The following RBM47 variants were observed in gnomAD, a reference collection of about 807,000 sequenced individuals.
The protein encoded by RBM47 is RNA binding motif protein 47.
RBM47 carries 21 observed loss-of-function variants against 47.1 expected under a neutral mutation model. That is an observed-to-expected ratio of 0.45 (90% CI 0.32 to 0.64). The LOEUF is 0.64. Among genes scored for constraint, RBM47 ranks in the 30% least tolerant of loss-of-function variants. The pLI, the probability that RBM47 is intolerant of heterozygous loss-of-function variation, is 0.05. For missense variants in RBM47, 708 were observed against 870.9 expected (o/e 0.81, Z 2.35); for synonymous variants, 375 against 361.7 (o/e 1.04, Z -0.42).
At chr4:40,433,379 C>T (rs1431218502) in intron 5 of RBM47, among the ~76,000 whole-genome samples, 2 of 152,162 alleles carry the variant, frequency 1.3e-5, no homozygotes, top group African/African-American at 4.8e-5. Flanking sequence ...TGGGTGGTGG[C>T]AGGTAACTCC....
intron 1 of RBM47, among the ~76,000 whole-genome samples, chr4:40,565,254 TCA>T (rs1730988517): frequency 2.6e-5 from 4 of 152,234 alleles, no homozygotes; most frequent in Non-Finnish European, 5.9e-5. Context: ...TAAGCAGTAC[TCA>T]GCATGACACT....
chr4:40,624,451 G>A (rs1377212692), intron 1 of RBM47, among the ~76,000 whole-genome samples: 3 of 152,088 alleles, frequency 2.0e-5, no homozygotes, highest in Non-Finnish European at 4.4e-5. Context: ...CCACAGTGCT[G>A]AGCTCTCCTC....
In RBM47 at chr4:40,519,297, C is replaced by CTTT. The variant is rs374404085; in HGVS notation, c.-155+25122_-155+25124dup. On this transcript the variant is annotated intron_variant, in intron 2 of 6. Transcript: ENST00000295971. ...AGTTCAACTGTTTTTCTCCTTCAATCTTTTTTTTTTTTTTTTTGAGATGGA... is the reference window on the plus strand; with the variant it reads ...AGTTCAACTGTTTTTCTCCTTCAATCTTTTTTTTTTTTTTTTTTTTGAGATGGA... 6.2e-3 allele frequency among the ~76,000 whole-genome samples: 809 copies of CTTT among 130,082 alleles called. 12 individuals are homozygous for CTTT. The highest frequency in any genetic ancestry group is 9.3e-3 in the Non-Finnish European group (583 of 63,018). 85.3% of individuals were successfully genotyped at this position (130,082 alleles called of 152,430 possible). A position where few individuals can be genotyped will look rare whatever the true frequency, so the allele number is the denominator to read the frequency against.
chr4:40,454,009 C>T (rs1036225031), intron 3 of RBM47, among the ~76,000 whole-genome samples: 1 of 152,010 alleles, frequency 6.6e-6, no homozygotes, highest in African/African-American at 2.4e-5. Flanking sequence ...CTCTAGAGTA[C>T]GGGGTAGACG....
At chr4:40,598,530 A>T (rs533154674) in intron 1 of RBM47, among the ~76,000 whole-genome samples, 1 of 152,262 alleles carries the variant, frequency 6.6e-6, no homozygotes, top group Non-Finnish European at 1.5e-5. Flanking sequence ...GATTACAGGC[A>T]TGAGCCACTG....
intron 2 of RBM47, among the ~76,000 whole-genome samples, chr4:40,483,771 A>G (rs1720737110): frequency 1.3e-5 from 2 of 152,242 alleles, no homozygotes; most frequent in South Asian, 4.1e-4. Context: ...AAAATTAGCT[A>G]AAATACTTAA....
At chr4:40,622,732 A>G (rs1737378153) in intron 1 of RBM47, among the ~76,000 whole-genome samples, 1 of 152,148 alleles carries the variant, frequency 6.6e-6, no homozygotes, top group Admixed American at 6.5e-5. Flanking sequence ...AAACACAAAA[A>G]TTAGCCAGGC....
chr4:40,503,490 G>A (rs1367977977), intron 2 of RBM47, among the ~76,000 whole-genome samples: 1 of 152,094 alleles, frequency 6.6e-6, no homozygotes, highest in Non-Finnish European at 1.5e-5. Flanking sequence ...TGCTACTAGC[G>A]GTGTCCACTG....
intron 3 of RBM47, among the ~76,000 whole-genome samples, chr4:40,465,407 T>A (rs890804322): frequency 1.8e-4 from 27 of 152,090 alleles, no homozygotes; most frequent in African/African-American, 5.8e-4. Flanking sequence ...ATGCCTGTAA[T>A]CCTAGCACAT....
At chr4:40,496,147 T>C (rs4435776) in intron 2 of RBM47, among the ~76,000 whole-genome samples, 26,142 of 152,118 alleles carry the variant, frequency 0.17, 2,347 homozygotes, top group African/African-American at 0.23. Context: ...AGGAGGCAAC[T>C]TGCACAGGAA....
At chr4:40,583,151 G>C (rs1444483644) in intron 1 of RBM47, among the ~76,000 whole-genome samples, 1 of 152,144 alleles carries the variant, frequency 6.6e-6, no homozygotes, top group Admixed American at 6.6e-5. Flanking sequence ...GGCCGGCCAA[G>C]CACAGTGGCT....
At chr4:40,533,202 G>C (rs909465941) in intron 2 of RBM47, among the ~76,000 whole-genome samples, 2 of 152,296 alleles carry the variant, frequency 1.3e-5, no homozygotes, top group African/African-American at 4.8e-5. Flanking sequence ...GGGAGACCAA[G>C]GTAGGCGGTT....
At chr4:40,494,741 G>C (rs1336157181) in intron 2 of RBM47, among the ~76,000 whole-genome samples, 1 of 152,110 alleles carries the variant, frequency 6.6e-6, no homozygotes, top group Non-Finnish European at 1.5e-5. Context: ...GTACCATGAG[G>C]GTGAATCAGA....
chr4:40,601,748 T>C (rs1224200247), intron 1 of RBM47, among the ~76,000 whole-genome samples: 2 of 152,228 alleles, frequency 1.3e-5, no homozygotes, highest in Non-Finnish European at 2.9e-5. Context: ...CTCTGCTCTC[T>C]GTTCCTGGAA....
Position 40,602,028 on chromosome 4 carries a change from G to A in RBM47, c.-240+27368C>T, listed in dbSNP as rs1257993526. Among the ~76,000 whole-genome samples, 4 of 152,066 alleles carry A rather than the reference G, an allele frequency of 2.6e-5. No homozygotes were observed. In the South Asian group the frequency reaches 8.3e-4, roughly 32 times the overall value. Reference sequence around the variant, plus strand: ...TACTAAAAATAGAAAAATTAGCCAAGTGTGGTGGTCGGCACCTGTAATCCC... The same window carrying A: ...TACTAAAAATAGAAAAATTAGCCAAATGTGGTGGTCGGCACCTGTAATCCC... On this transcript the variant is annotated intron_variant, in intron 1 of 6. Coordinates refer to ENST00000295971, the MANE Select transcript of RBM47 (RefSeq NM_001098634.2).
At chr4:40,582,842 TG>T (rs1380148161) in intron 1 of RBM47, among the ~76,000 whole-genome samples, 2 of 152,224 alleles carry the variant, frequency 1.3e-5, no homozygotes, top group Non-Finnish European at 2.9e-5. Context: ...GTCACCACCC[TG>T]GTAGAATCCA....
chr4:40,438,393 G>A lies in RBM47; in HGVS notation c.501C>T (p.Ile167=). Residue 167 remains isoleucine (I), a synonymous_variant, in exon 4 of 7, where the codon ATC becomes ATT. Transcript: ENST00000295971. The part of the protein sequence containing the change: ...GIPKMKKREE[I]LEEIAKVTEG... ...CGGTGACCTTGGCAATCTCCTCCAG[G>A]ATTTCCTCGCGCTTCTTCATCTTGG... 6 of 1,613,138 alleles carry A rather than the reference G, an allele frequency of 3.7e-6. No homozygotes were observed. The highest frequency in any genetic ancestry group is 5.1e-6 in the Non-Finnish European group (6 of 1,179,988).
intron 2 of RBM47, among the ~76,000 whole-genome samples, chr4:40,540,300 G>T (rs1016479310): frequency 6.6e-6 from 1 of 152,028 alleles, no homozygotes; most frequent in Non-Finnish European, 1.5e-5. Flanking sequence ...ATTTAAAAAA[G>T]AAATTAACCA....
chr4:40,515,441 C>T (rs1037194207), intron 2 of RBM47, among the ~76,000 whole-genome samples: 1 of 152,136 alleles, frequency 6.6e-6, no homozygotes, highest in Non-Finnish European at 1.5e-5. Context: ...AAAAAGAGAC[C>T]AAGACCGTCT....
Sources: allele counts gnomAD v4.1 joint callset (sites outside exome capture counted in the v4.1 genomes callset), GRCh38; gene constraint gnomAD v4.1.1; transcripts MANE v1.5; gene names NCBI Gene and HGNC (gene_info 2026-07-23, HGNC 2026-07-21).